RGS12: variants seen among roughly 807,000 people sequenced by gnomAD.
RGS12 encodes the protein regulator of G protein signaling 12, also known as regulator of G-protein signaling 12.
In RGS12, 66 loss-of-function variants were observed where a neutral mutation model predicts 120.1. The observed-to-expected ratio is 0.55, with a 90% CI of 0.45 to 0.67. RGS12 has a LOEUF of 0.67. RGS12 is among the 30% of genes least tolerant of loss of function. RGS12 has a pLI of 0.00. For missense variants in RGS12, 1,859 were observed against 1,957.7 expected, an observed-to-expected ratio of 0.95 and a Z score of 0.95; for synonymous variants, 827 against 804.7, an observed-to-expected ratio of 1.03 and a Z score of -0.47.
At chr4:3,315,548 A>C (rs1465541762) in intron 1 of RGS12, among the ~76,000 whole-genome samples, 5 of 152,202 alleles carry the variant, frequency 3.3e-5, no homozygotes, top group African/African-American at 1.2e-4. Context: ...CCCTCTCCTG[A>C]GGGAAAACTC....
At chr4:3,363,170 T>G (rs1715902295) in intron 3 of RGS12, among the ~76,000 whole-genome samples, 2 of 151,020 alleles carry the variant, frequency 1.3e-5, no homozygotes, top group Admixed American at 1.3e-4. Context: ...TGTGTGAGTG[T>G]GCGTCAGTGA....
chr4:3,398,170 T>C (rs1577047023), intron 4 of RGS12, among the ~76,000 whole-genome samples: 1 of 152,346 alleles, frequency 6.6e-6, no homozygotes, highest in Admixed American at 6.5e-5. Context: ...ATTTTCAATA[T>C]AATTGACCAC....
intron 2 of RGS12, among the ~76,000 whole-genome samples, chr4:3,333,270 C>G (rs976318701): frequency 2.9e-4 from 44 of 152,240 alleles, no homozygotes; most frequent in African/African-American, 1.0e-3. Context: ...AGGATGGTCT[C>G]GATCTCCTGA....
intron 1 of RGS12, among the ~76,000 whole-genome samples, chr4:3,302,841 G>C (rs1723760371): frequency 6.6e-6 from 1 of 152,112 alleles, no homozygotes; most frequent in South Asian, 2.1e-4. Flanking sequence ...GGAGGAGAGA[G>C]GGCCCGTTTC....
intron 1 of RGS12, among the ~76,000 whole-genome samples, chr4:3,305,800 C>T (rs1723942265): frequency 6.6e-6 from 1 of 152,204 alleles, no homozygotes; most frequent in South Asian, 2.1e-4. Context: ...TGTCCCTCTG[C>T]CCTTGGAGGC....
intron 6 of RGS12, 74 bp downstream of exon 6, chr4:3,414,918 GAGGGCCA>G: frequency 9.1e-7 from 1 of 1,094,848 alleles, no homozygotes; most frequent in South Asian, 1.3e-5. Context: ...GGGTGTGTGA[GAGGGCCA>G]CGTGTGTGAG....
intron 1 of RGS12, chr4:3,313,026 T>TA (rs1724506695): frequency 6.6e-6 from 1 of 152,216 alleles, no homozygotes; most frequent in African/African-American, 2.4e-5. Context: ...CACTCCAGTC[T>TA]GGGCAATGGA....
intron 3 of RGS12, among the ~76,000 whole-genome samples, chr4:3,375,482 C>T: frequency 1.3e-5 from 1 of 77,048 alleles, no homozygotes; most frequent in South Asian, 7.6e-4. Flanking sequence ...CAGCCCTCAT[C>T]TCCAGCCTCA....
At chr4:3,305,242 T>C (rs1307723959) in intron 1 of RGS12, among the ~76,000 whole-genome samples, 3 of 152,108 alleles carry the variant, frequency 2.0e-5, no homozygotes, top group African/African-American at 7.2e-5. Flanking sequence ...TTTTGCACAT[T>C]CTGTTTGTTA....
At chr4:3,305,579 G>T (rs536930394) in intron 1 of RGS12, among the ~76,000 whole-genome samples, 1 of 152,306 alleles carries the variant, frequency 6.6e-6, no homozygotes, top group East Asian at 1.9e-4. Context: ...GTGCCATCAT[G>T]GCAAGCACCA....
intron 3 of RGS12, among the ~76,000 whole-genome samples, chr4:3,350,526 A>T (rs1714252688): frequency 6.6e-6 from 1 of 152,136 alleles, no homozygotes; most frequent in Admixed American, 6.5e-5. Flanking sequence ...TACAAAAAAT[A>T]AAAAAATTAG....
rs1363503506 is a variant in RGS12 at position 3,420,665 on chromosome 4, C to G, written c.2785C>G (p.Leu929Val). The change falls in exon 10 of 18, where the codon CTG (leucine) becomes GTG (valine). Residue 929 changes from leucine to valine, a missense_variant. By Grantham distance (32) the Leu-to-Val change is conservative. This residue lies in a region of RGS12 where 375 missense variants were observed against 475.0 expected (regional missense o/e 0.79). Transcript: ENST00000336727. Reference sequence around the variant, plus strand: ...AGACGCCCTGCATGCCAATGGAGGCCTGTGTCGCCGAGAGTCGCAGGGCTC... The same window carrying G: ...AGACGCCCTGCATGCCAATGGAGGCGTGTGTCGCCGAGAGTCGCAGGGCTC... ...ADDALHANGG[L>V]CRRESQGSVS... is the part of the protein sequence containing the mutation. The G allele has an allele frequency of 6.2e-7, 1 of 1,613,560 alleles. No homozygotes were observed. The highest frequency in any genetic ancestry group is 8.5e-7 in the Non-Finnish European group (1 of 1,180,032).
intron 4 of RGS12, among the ~76,000 whole-genome samples, chr4:3,403,330 C>T (rs142264689): frequency 6.6e-5 from 10 of 152,298 alleles, no homozygotes; most frequent in East Asian, 1.9e-4. Flanking sequence ...CACTATATCT[C>T]GAGGGGTCCG....
chr4:3,368,373 C>G (rs1716563164), intron 3 of RGS12, among the ~76,000 whole-genome samples: 1 of 135,550 alleles, frequency 7.4e-6, no homozygotes, highest in Non-Finnish European at 1.6e-5. Flanking sequence ...GTGTGCGTGC[C>G]TGTGTGTGGG....
chr4:3,301,594 G>T (rs867452379), intron 1 of RGS12, among the ~76,000 whole-genome samples: 1 of 151,524 alleles, frequency 6.6e-6, no homozygotes, highest in Non-Finnish European at 1.5e-5. Flanking sequence ...GGGTCCGAGG[G>T]CCGGGGATGG....
chr4:3,290,921 C>A (rs150417773), upstream of RGS12, among the ~76,000 whole-genome samples: 1 of 152,370 alleles, frequency 6.6e-6, no homozygotes, highest in South Asian at 2.1e-4. Flanking sequence ...ACCTTCTCTC[C>A]GTCTCAGGCA....
In RGS12 at chr4:3,317,625, A is replaced by G; in HGVS notation, c.1455A>G (p.Pro485=). ...GTCCGGACCCCGAAGGGAGCCCCCC[A>G]TTTGAGGCCGCTCATCAGACTGACA... ...PFCPDPEGSP[P]FEAAHQTDRF... The change falls in exon 2 of 18, where the codon CCA becomes CCG. Residue 485 remains proline, a synonymous_variant. Transcript: ENST00000336727. 1.9e-6 allele frequency: 3 copies of G among 1,587,814 alleles called. No homozygotes were observed. Among genetic ancestry groups the G allele is most frequent in the Non-Finnish European group, 2.6e-6 (3 of 1,165,286 alleles).
rs1242615438 is a variant in RGS12, at chr4:3,318,014, C to T, written c.1844C>T (p.Pro615Leu). The T allele has an allele frequency of 6.2e-7, 1 of 1,608,204 alleles. No homozygotes were observed. Among genetic ancestry groups the T allele is most frequent in the Admixed American group, 1.7e-5 (1 of 59,438 alleles). Residue 615 changes from proline (P) to leucine (L), a missense_variant, in exon 2 of 18, where the codon CCC (proline) becomes CTC (leucine). Physicochemically the swap from Pro to Leu is moderately conservative, Grantham distance 98 (BLOSUM62 -3). Coordinates refer to ENST00000336727, the MANE Select transcript of RGS12 (RefSeq NM_001394154.1). ...TTTGGAATGCAAAGCATTTTTGGTCCCCATCGAAATGTTCGAAAGACTAAG... is the reference window on the plus strand; with the variant it reads ...TTTGGAATGCAAAGCATTTTTGGTCTCCATCGAAATGTTCGAAAGACTAAG... ...KAFGMQSIFG[P>L]HRNVRKTKED...
intron 3 of RGS12, 133 bp from the exon 4 acceptor site, chr4:3,386,283 G>A: frequency 1.2e-6 from 1 of 835,814 alleles, no homozygotes; most frequent in Non-Finnish European, 2.0e-6. Flanking sequence ...GCTTTCCCGG[G>A]ACACCTCCAC....
Sources: gnomAD v4.1 joint callset for allele counts (sites outside exome capture counted in the v4.1 genomes callset) on GRCh38, gnomAD v4.1.1 for gene constraint, gnomAD v4.1.1 regional missense constraint, MANE v1.5 for transcripts, NCBI Gene and HGNC (gene_info 2026-07-23, HGNC 2026-07-21) for gene names.